Variants in USP45 observed in about 807,000 individuals in gnomAD.
USP45 encodes ubiquitin specific peptidase 45.
A neutral mutation model predicts 95.8 loss-of-function variants in USP45; 89 were observed. The observed-to-expected ratio is 0.93, with a 90% CI of 0.78 to 1.11. The LOEUF (loss-of-function observed/expected upper bound fraction) is 1.11. USP45 is among the 50% of genes least tolerant of loss of function. The probability of loss-of-function intolerance (pLI) is 0.00; values close to 1 mark genes in which losing one functional copy is unlikely to be tolerated. For synonymous variants in USP45, 281 were observed against 316.2 expected (o/e 0.89, Z 1.18); for missense variants, 898 against 942.5 (o/e 0.95, Z 0.62).
At chr6:99,472,657 C>A (rs539698638) in intron 9 of USP45, among the ~76,000 whole-genome samples, 51 of 152,152 alleles carry the variant, frequency 3.4e-4, no homozygotes, top group African/African-American at 1.2e-3. Context: ...ATCTGTAGGC[C>A]CATTTATTGT....
At chr6:99,502,154 G>T in intron 5 of USP45, 1 of 937,120 alleles carries the variant, frequency 1.1e-6, no homozygotes, top group South Asian at 2.0e-5. Context: ...GAGCTTCCTT[G>T]GTTACCAATA....
At position 99,446,084 on chromosome 6, in the gene USP45, C is replaced by T. The variant is rs144628619; in HGVS notation, c.1688G>A (p.Arg563His). Residue 563 changes from arginine to histidine, a missense_variant, in exon 14 of 18, where the codon CGT (arginine) becomes CAT (histidine). Physicochemically the swap from Arg to His is conservative, Grantham distance 29 (BLOSUM62 0). Coordinates refer to ENST00000500704, the MANE Select transcript of USP45 (RefSeq NM_001346022.3). The part of the protein sequence containing the change: ...KEMAEAISEL[R>H]LSSTVTGDQD... ...ATCTCCAGTTACAGTGCTGCTCAAACGAAGTTCAGAAATAGCTTCTGCCAT... is the reference window on the plus strand; with the variant it reads ...ATCTCCAGTTACAGTGCTGCTCAAATGAAGTTCAGAAATAGCTTCTGCCAT... The T allele has an allele frequency of 1.1e-4, 182 of 1,614,010 alleles. 1 individual carries two copies. The highest frequency in any genetic ancestry group is 1.0e-3 in the South Asian group (91 of 91,080).
At chr6:99,453,658 T>C (rs1784405033) in intron 13 of USP45, among the ~76,000 whole-genome samples, 1 of 152,106 alleles carries the variant, frequency 6.6e-6, no homozygotes, top group Non-Finnish European at 1.5e-5. Flanking sequence ...AAAACAATCC[T>C]AAAATATGTA....
chr6:99,510,062 G>A (rs1324003256), intron 2 of USP45, 59 bp downstream of exon 2: 47 of 1,319,906 alleles, frequency 3.6e-5, no homozygotes, highest in Non-Finnish European at 2.4e-5. Flanking sequence ...TTGTTGAAGG[G>A]TCAACTGCAT....
intron 8 of USP45, among the ~76,000 whole-genome samples, chr6:99,481,435 C>T (rs1284672587): frequency 4.6e-5 from 7 of 152,064 alleles, no homozygotes; most frequent in Non-Finnish European, 7.4e-5. Context: ...AGGAAGAAAA[C>T]TATACAAAAC....
At chr6:99,515,003 G>A (rs1562472188) in intron 1 of USP45, 1 of 152,352 alleles carries the variant, frequency 6.6e-6, no homozygotes, top group African/African-American at 2.4e-5. Flanking sequence ...AATACACGAC[G>A]CTTCCAGAAA....
chr6:99,487,445 T>C (rs1392266312), intron 7 of USP45, among the ~76,000 whole-genome samples: 1 of 152,076 alleles, frequency 6.6e-6, no homozygotes, highest in East Asian at 1.9e-4. Context: ...TGCTCTTTTT[T>C]TCATCTTTCT....
chr6:99,456,709 T>C (rs1452497597), intron 13 of USP45, among the ~76,000 whole-genome samples: 1 of 152,194 alleles, frequency 6.6e-6, no homozygotes, highest in Non-Finnish European at 1.5e-5. Context: ...CAGGACCATG[T>C]GATAATTGCG....
At chr6:99,438,158 TA>T (rs1780858080) in intron 16 of USP45, among the ~76,000 whole-genome samples, 1 of 152,182 alleles carries the variant, frequency 6.6e-6, no homozygotes, top group Admixed American at 6.6e-5. Context: ...TTGAATAAAC[TA>T]TGATGCATCC....
chr6:99,514,491 C>T lies in USP45; in HGVS notation c.-11+901G>A, dbSNP rs1800679758. 2.6e-5 allele frequency among the ~76,000 whole-genome samples: 4 copies of T among 152,182 alleles called. No individual in the cohort carries two copies. In the South Asian group the frequency reaches 8.3e-4, roughly 32 times the overall value. On this transcript the variant is annotated intron_variant, in intron 1 of 17. Transcript: ENST00000500704. ...AGTCTTAAGGCCTGCTATGTTAACT[C>T]TTTTTAGCACAAATATGTTCTGGCC...
At chr6:99,481,202 C>A (rs1349398731) in intron 8 of USP45, among the ~76,000 whole-genome samples, 1 of 152,120 alleles carries the variant, frequency 6.6e-6, no homozygotes, top group Non-Finnish European at 1.5e-5. Flanking sequence ...TCATACAAAA[C>A]TGAGTAAGTT....
chr6:99,496,394 ACTTT>A (rs1388510815), intron 5 of USP45, among the ~76,000 whole-genome samples: 2 of 151,738 alleles, frequency 1.3e-5, no homozygotes, highest in African/African-American at 4.8e-5. Flanking sequence ...ACCACCACTT[ACTTT>A]CTTATTTAAA....
At chr6:99,457,035 C>T (rs1174747010) in intron 13 of USP45, among the ~76,000 whole-genome samples, 1 of 152,190 alleles carries the variant, frequency 6.6e-6, no homozygotes, top group Non-Finnish European at 1.5e-5. Context: ...AGACCCCAGT[C>T]TCCCATAGTG....
chr6:99,488,671 T>C lies in USP45; in HGVS notation c.618+10A>G, dbSNP rs1794531050. On this transcript the variant is annotated intron_variant, in intron 6 of 17. Transcript: ENST00000500704. The stretch of plus-strand genomic sequence containing the variant: ...TTTTACATATTACAAAGCTTTCTGA[T>C]GACTCTTACCTGCATGACTGCATTA... The C allele has an allele frequency of 6.3e-7, 1 of 1,590,646 alleles. No individual in the cohort carries two copies. Among genetic ancestry groups the C allele is most frequent in the Admixed American group, 1.9e-5 (1 of 54,046 alleles).
chr6:99,444,110 C>T (rs1196677003), intron 14 of USP45, among the ~76,000 whole-genome samples: 1 of 152,008 alleles, frequency 6.6e-6, no homozygotes, highest in Admixed American at 6.6e-5. Flanking sequence ...CTCCCAGGCA[C>T]AAGCAATCCT....
chr6:99,465,862 GCTTT>G (rs780958037), intron 11 of USP45, among the ~76,000 whole-genome samples: 20 of 152,180 alleles, frequency 1.3e-4, no homozygotes, highest in Non-Finnish European at 2.5e-4. Flanking sequence ...ATTCATACAT[GCTTT>G]AAGTTGTTAA....
chr6:99,495,737 T>C (rs915893367), intron 5 of USP45, among the ~76,000 whole-genome samples: 1 of 152,244 alleles, frequency 6.6e-6, no homozygotes, highest in African/African-American at 2.4e-5. Flanking sequence ...AAAAGCTGTA[T>C]GTAATCCATT....
intron 13 of USP45, among the ~76,000 whole-genome samples, chr6:99,458,272 G>A (rs1235713377): frequency 1.3e-5 from 2 of 152,132 alleles, no homozygotes; most frequent in Non-Finnish European, 2.9e-5. Flanking sequence ...GCCTGCCTCG[G>A]CCTCCCAAAG....
At chr6:99,516,334 A>T (rs1263339766), upstream of USP45, among the ~76,000 whole-genome samples, 1 of 152,266 alleles carries the variant, frequency 6.6e-6, no homozygotes, top group Non-Finnish European at 1.5e-5. Flanking sequence ...AAATGCCAAC[A>T]CTGGTTATGG....
Sources: allele counts gnomAD v4.1 joint callset (sites outside exome capture counted in the v4.1 genomes callset), GRCh38; gene constraint gnomAD v4.1.1; transcripts MANE v1.5; gene names NCBI Gene and HGNC (gene_info 2026-07-23, HGNC 2026-07-21).